PCDHGA7: variants seen among roughly 807,000 people sequenced by gnomAD.
The protein encoded by PCDHGA7 is protocadherin gamma-A7.
PCDHGA7 carries 44 observed loss-of-function variants against 58.3 expected under a neutral mutation model. That is an observed-to-expected ratio of 0.75 (90% CI 0.59 to 0.97). The LOEUF is 0.97. PCDHGA7 is among the 50% of genes least tolerant of loss of function. PCDHGA7 has a pLI of 0.00. For missense variants in PCDHGA7, 1,266 were observed against 1,188.7 expected (o/e 1.06, Z -0.96); for synonymous variants, 516 against 504.2 (o/e 1.02, Z -0.31).
rs62379205 is a variant in PCDHGA7, at chr5:141,491,971, T to G, written c.2425-2836T>G. On this transcript the variant is annotated intron_variant, in intron 1 of 3. Coordinates refer to ENST00000518325, the MANE Select transcript of PCDHGA7 (RefSeq NM_018920.4). This position sits in a 1 kb window ranked among gnomAD's most constrained non-coding sequence, Gnocchi z 6.9. ...CCTACACTCAAAAAAGGCCGGGGCC[T>G]CCTTCGAGCTTCCGGTGAATTTCGG... The G allele has an allele frequency of 3.6e-6, 3 of 831,948 alleles. No homozygotes were observed. Among genetic ancestry groups the G allele is most frequent in the Admixed American group, 3.7e-5 (1 of 26,692 alleles). The allele number at this position is 831,948 out of a possible 1,614,324, so 51.5% of individuals were successfully genotyped here.
At chr5:141,420,537 T>C (rs1246315357) in intron 1 of PCDHGA7, 2 of 317,450 alleles carry the variant, frequency 6.3e-6, no homozygotes, top group Non-Finnish European at 1.1e-5. Context: ...GTTAAAAATA[T>C]AAAATACAGG....
rs2099746956 is a variant in PCDHGA7 at position 141,493,207 on chromosome 5, A to C, written c.2425-1600A>C. Among the ~76,000 whole-genome samples, 1 of 152,152 alleles carries C rather than the reference A, an allele frequency of 6.6e-6. No individual in the cohort carries two copies. The highest frequency in any genetic ancestry group is 2.4e-5 in the African/African-American group (1 of 41,442). On this transcript the variant is annotated intron_variant, in intron 1 of 3. Coordinates refer to ENST00000518325, the MANE Select transcript of PCDHGA7 (RefSeq NM_018920.4). The surrounding 1 kb of genome is among the most constrained non-coding windows in gnomAD (Gnocchi z 4.3). ...ATAACTCCTTTGAGAACCTCATCTC[A>C]TTTGCTCTTCCCACCATTGCTGTTG...
At chr5:141,388,020 G>A (rs549084224) in intron 1 of PCDHGA7, 32 of 1,459,094 alleles carry the variant, frequency 2.2e-5, no homozygotes, top group African/African-American at 7.1e-5. Context: ...CAAGGGCTCC[G>A]TAGTGGGGAA....
chr5:141,418,572 AC>A lies in PCDHGA7; in HGVS notation c.2424+33255del, dbSNP rs752316020. 8.1e-6 allele frequency: 13 copies of A among 1,613,794 alleles called. 1 individual carries two copies. The Admixed American group carries it at 1.8e-4, about 23-fold the overall frequency. ...ATCCTGGTAATAGATGCCAATGACA[AC>A]CCCCCAGTGTTCAGCCAGGACGTGT... On this transcript the variant is annotated intron_variant, in intron 1 of 3. Transcript: ENST00000518325.
chr5:141,410,629 C>A (rs1393614526), intron 1 of PCDHGA7: 1 of 1,601,482 alleles, frequency 6.2e-7, no homozygotes, highest in East Asian at 2.2e-5. Context: ...CGGTGAGTTT[C>A]TCTTTTTTGT....
intron 1 of PCDHGA7, chr5:141,441,139 G>C (rs1000704603): frequency 6.6e-6 from 1 of 152,172 alleles, no homozygotes; most frequent in African/African-American, 2.4e-5. Context: ...ATTTCTAGAA[G>C]ATAATGACAA....
In PCDHGA7 at chr5:141,486,435, A is replaced by G. The variant is rs2099629501; in HGVS notation, c.2425-8372A>G. The G allele has an allele frequency of 6.2e-7, 1 of 1,614,118 alleles. No homozygotes were observed. Among genetic ancestry groups the G allele is most frequent in the Non-Finnish European group, 8.5e-7 (1 of 1,179,960 alleles). ...TTGGATCGAGAGGCCAAATCTAGCT[A>G]TGACATCATGGTCACTGCTTCTGAT... is the stretch of plus-strand genomic sequence containing the variant. On this transcript the variant is annotated intron_variant, in intron 1 of 3. Coordinates refer to ENST00000518325, the MANE Select transcript of PCDHGA7 (RefSeq NM_018920.4). This position sits in a 1 kb window ranked among gnomAD's most constrained non-coding sequence, Gnocchi z 5.0.
chr5:141,417,414 A>G (rs1255289735), intron 1 of PCDHGA7: 1 of 157,986 alleles, frequency 6.3e-6, no homozygotes, highest in Non-Finnish European at 1.4e-5. Flanking sequence ...TTCAAGATAT[A>G]TGTAAATTCA....
At chr5:141,449,156 G>T (rs4432943) in intron 1 of PCDHGA7, among the ~76,000 whole-genome samples, 84,481 of 151,978 alleles carry the variant, frequency 0.56, 26,202 homozygotes, top group African/African-American at 0.85. Context: ...GGTCAAAGAG[G>T]AAATAGGTGT....
At chr5:141,444,561 G>A (rs1554133061) in intron 1 of PCDHGA7, among the ~76,000 whole-genome samples, 2 of 152,098 alleles carry the variant, frequency 1.3e-5, no homozygotes, top group Non-Finnish European at 2.9e-5. Context: ...GCACTTATTT[G>A]ACACTTTTGA....
chr5:141,445,814 TA>T (rs1554133713), intron 1 of PCDHGA7, among the ~76,000 whole-genome samples: 1 of 152,182 alleles, frequency 6.6e-6, no homozygotes, highest in Non-Finnish European at 1.5e-5. Context: ...TAGATGAAAC[TA>T]ATAAGGCAGG....
chr5:141,409,938 C>T (rs754052398), intron 1 of PCDHGA7: 114 of 1,613,200 alleles, frequency 7.1e-5, no homozygotes, highest in Admixed American at 4.3e-4. Flanking sequence ...GATATGGTAC[C>T]TCGCTCTGCA....
rs1296944219 is a variant in PCDHGA7 at position 141,385,097 on chromosome 5, C to T, written c.2198C>T (p.Ala733Val). Residue 733 changes from alanine to valine, a missense_variant, in exon 1 of 4, where the codon GCG (alanine) becomes GTG (valine). Coordinates refer to ENST00000518325, the MANE Select transcript of PCDHGA7 (RefSeq NM_018920.4). ...RLLQASEGGL[A>V]NVPTSHFVGM... The stretch of plus-strand genomic sequence containing the variant: ...CTGCAGGCTTCAGAAGGTGGCTTGG[C>T]GAACGTGCCCACCTCGCACTTTGTG... 1.9e-6 allele frequency: 3 copies of T among 1,614,192 alleles called. No individual in the cohort carries two copies. The highest frequency in any genetic ancestry group is 2.2e-5 in the East Asian group (1 of 44,878).
At chr5:141,433,358 C>CCTATCTATCTAT (rs3074541) in intron 1 of PCDHGA7, 6,701 of 503,954 alleles carry the variant, frequency 0.013, 75 homozygotes, top group East Asian at 0.016. Context: ...CTACTGTCTG[C>CCTATCTATCTAT]CTATCTATCT....
intron 1 of PCDHGA7, among the ~76,000 whole-genome samples, chr5:141,433,399 CTA>C (rs1491097109): frequency 1.1e-4 from 17 of 150,894 alleles, no homozygotes; most frequent in African/African-American, 4.1e-4. Context: ...ATCTATCTAT[CTA>C]TCTATTACTT....
chr5:141,495,276 G>A (rs1350329744), intron 2 of PCDHGA7, among the ~76,000 whole-genome samples: 1 of 152,190 alleles, frequency 6.6e-6, no homozygotes, highest in East Asian at 1.9e-4. Flanking sequence ...GACCGGAGGA[G>A]GCGGTCCGCA....
chr5:141,415,161 C>T (rs1391561235), intron 1 of PCDHGA7: 1 of 1,613,864 alleles, frequency 6.2e-7, no homozygotes, highest in Admixed American at 1.7e-5. Context: ...CCGCCACTGT[C>T]ACGCTCACCG....
intron 1 of PCDHGA7, among the ~76,000 whole-genome samples, chr5:141,445,740 A>T (rs993128906): frequency 2.6e-5 from 4 of 152,226 alleles, no homozygotes; most frequent in Admixed American, 1.3e-4. Flanking sequence ...AGATCTTTTT[A>T]AAAAATAAAA....
chr5:141,451,682 G>GA (rs1401536376), intron 1 of PCDHGA7, among the ~76,000 whole-genome samples: 1 of 152,128 alleles, frequency 6.6e-6, no homozygotes, highest in Non-Finnish European at 1.5e-5. Flanking sequence ...AGGAGTTCAA[G>GA]ACCAGCCTGG....
Sources: gnomAD v4.1 joint callset for allele counts (sites outside exome capture counted in the v4.1 genomes callset) on GRCh38, gnomAD v4.1.1 for gene constraint, Gnocchi (gnomAD v3.1) non-coding constraint, MANE v1.5 for transcripts, NCBI Gene and HGNC (gene_info 2026-07-23, HGNC 2026-07-21) for gene names.